CNTN5: variants seen among roughly 807,000 people sequenced by gnomAD.
The protein encoded by CNTN5 is contactin-5.
CNTN5 carries 77 observed loss-of-function variants against 129.1 expected under a neutral mutation model. That is an observed-to-expected ratio of 0.60 (90% CI 0.50 to 0.72). The LOEUF (loss-of-function observed/expected upper bound fraction) is 0.72, where lower values mean the gene tolerates loss of function less well. Among genes scored for constraint, CNTN5 ranks in the 30% least tolerant of loss-of-function variants. The pLI, the probability that CNTN5 is intolerant of heterozygous loss-of-function variation, is 0.00. For missense variants in CNTN5, 1,478 were observed against 1,328.8 expected (o/e 1.11, Z -1.75); for synonymous variants, 509 against 465.6 (o/e 1.09, Z -1.20).
intron 1 of CNTN5, among the ~76,000 whole-genome samples, chr11:99,300,367 C>G (rs912909995): frequency 2.6e-5 from 4 of 151,772 alleles, no homozygotes; most frequent in South Asian, 4.2e-4. Flanking sequence ...TTTAATCTAT[C>G]GAGGTGACCA....
chr11:100,074,072 A>C, intron 12 of CNTN5, 72 bp from the exon 13 acceptor site: 1 of 1,378,714 alleles, frequency 7.3e-7, no homozygotes, highest in East Asian at 2.3e-5. Context: ...AAGTTACAAG[A>C]TCTTCATGAA....
chr11:100,215,520 T>C (rs1454758310), intron 15 of CNTN5, among the ~76,000 whole-genome samples: 3 of 152,154 alleles, frequency 2.0e-5, no homozygotes, highest in Admixed American at 1.3e-4. Flanking sequence ...GTAAAACAGA[T>C]TGTGAATGAT....
chr11:99,403,716 A>G (rs1941938768), intron 2 of CNTN5, among the ~76,000 whole-genome samples: 2 of 152,168 alleles, frequency 1.3e-5, no homozygotes, highest in Admixed American at 1.3e-4. Context: ...TAGTTAGAGA[A>G]GATCCTTAAT....
At chr11:99,801,882 C>G (rs891346466) in intron 3 of CNTN5, among the ~76,000 whole-genome samples, 5 of 152,116 alleles carry the variant, frequency 3.3e-5, no homozygotes, top group Non-Finnish European at 7.4e-5. Flanking sequence ...TTTGGACTTT[C>G]TTGCAATCCA....
At chr11:99,531,666 A>G (rs898861355) in intron 2 of CNTN5, among the ~76,000 whole-genome samples, 1 of 152,174 alleles carries the variant, frequency 6.6e-6, no homozygotes, top group Non-Finnish European at 1.5e-5. Flanking sequence ...CTGTGTCCCA[A>G]CCGTTCCAGC....
At chr11:99,619,949 C>T (rs1253987491) in intron 3 of CNTN5, among the ~76,000 whole-genome samples, 2 of 149,292 alleles carry the variant, frequency 1.3e-5, no homozygotes, top group Non-Finnish European at 3.0e-5. Context: ...TGGCGTGAAC[C>T]CGGGAGGCGG....
Position 99,916,145 on chromosome 11 carries a change from A to T in CNTN5, c.669A>T (p.Ser223=), listed in dbSNP as rs548507400. The T allele has an allele frequency of 3.1e-6, 5 of 1,610,220 alleles. No individual in the cohort carries two copies. In the African/African-American group the frequency reaches 6.7e-5, roughly 22 times the overall value. ...TGATGTGCTCTCCTCCGCCACATTCACCAGGTACAGTAGGATCTCATTCTT... is the reference window on the plus strand; with the variant it reads ...TGATGTGCTCTCCTCCGCCACATTCTCCAGGTACAGTAGGATCTCATTCTT... ...VVLMCSPPPH[S]PEIIYSWVFN... Residue 223 remains serine (S), a synonymous_variant, in exon 7 of 25, where the codon TCA becomes TCT. Transcript: ENST00000524871.
chr11:99,836,785 C>T (rs1947322202), intron 4 of CNTN5, among the ~76,000 whole-genome samples: 1 of 152,294 alleles, frequency 6.6e-6, no homozygotes, highest in South Asian at 2.1e-4. Context: ...CCTATTTCTC[C>T]ACATCCTCTC....
intron 1 of CNTN5, among the ~76,000 whole-genome samples, chr11:99,145,850 A>G (rs1312506271): frequency 1.1e-4 from 16 of 152,308 alleles, no homozygotes; most frequent in Admixed American, 1.0e-3. Flanking sequence ...TACAAGAAGG[A>G]CAGTAATGTA....
chr11:99,559,201 T>C (rs1437758687), intron 3 of CNTN5, among the ~76,000 whole-genome samples: 1 of 152,160 alleles, frequency 6.6e-6, no homozygotes, highest in Non-Finnish European at 1.5e-5. Context: ...AGTTAATTAC[T>C]ATTACGAAAA....
chr11:99,364,389 T>C (rs1030419568), intron 2 of CNTN5, among the ~76,000 whole-genome samples: 1 of 152,150 alleles, frequency 6.6e-6, no homozygotes, highest in African/African-American at 2.4e-5. Context: ...ATATTTAGCA[T>C]ATTTTGCTCA....
rs183500416 is a variant in CNTN5, at chr11:100,225,143, T to C, written c.2005+331T>C. 140 of 161,328 alleles carry C rather than the reference T, an allele frequency of 8.7e-4. 1 individual carries two copies. Among genetic ancestry groups the C allele is most frequent in the African/African-American group, 2.5e-3 (106 of 42,016 alleles). The allele number at this position is 161,328 out of a possible 1,614,324, so 10.0% of individuals were successfully genotyped here. Reference sequence around the variant, plus strand: ...TACAGAGATAAAATTTGTGTGTGTGTATATATGTTTTGCAAATGAAAAGCT... The same window carrying C: ...TACAGAGATAAAATTTGTGTGTGTGCATATATGTTTTGCAAATGAAAAGCT... On this transcript the variant is annotated intron_variant, in intron 16 of 24. Transcript: ENST00000524871.
intron 1 of CNTN5, among the ~76,000 whole-genome samples, chr11:99,298,324 A>G (rs1445285621): frequency 6.6e-6 from 1 of 152,216 alleles, no homozygotes; most frequent in African/African-American, 2.4e-5. Context: ...GTAAAATGAC[A>G]TACAGGAATA....
In CNTN5 at chr11:99,344,609, A is replaced by G. The variant is rs530322900; in HGVS notation, c.-71+19125A>G. Among the ~76,000 whole-genome samples the G allele has an allele frequency of 3.3e-4, 51 of 152,346 alleles. No homozygotes were observed. The South Asian group carries it at 6.8e-3, about 20-fold the overall frequency. ...TACATCTAATGTAGCAAAGCAGATC[A>G]TATAAATAAGAGCAAAATAAGTAAA... is the stretch of plus-strand genomic sequence containing the variant. On this transcript the variant is annotated intron_variant, in intron 2 of 24. Coordinates refer to ENST00000524871, the MANE Select transcript of CNTN5 (RefSeq NM_014361.4).
At chr11:99,168,472 T>A (rs1213312506) in intron 1 of CNTN5, among the ~76,000 whole-genome samples, 1 of 151,954 alleles carries the variant, frequency 6.6e-6, no homozygotes, top group Non-Finnish European at 1.5e-5. Flanking sequence ...CCCAGCTACT[T>A]GGGAGGTTGA....
intron 9 of CNTN5, among the ~76,000 whole-genome samples, chr11:100,053,236 A>G (rs1291645596): frequency 2.0e-5 from 3 of 151,786 alleles, no homozygotes; most frequent in Non-Finnish European, 4.4e-5. Context: ...TAAGAAAACA[A>G]TAAGATTAAA....
In CNTN5 at chr11:99,746,822, T is replaced by C. The variant is rs527653964; in HGVS notation, c.56-72722T>C. ...TGTCGGTACCATGATGTTTTGTTAA[T>C]TATAGTGTCATAGTAATCTTGAAAT... On this transcript the variant is annotated intron_variant, in intron 3 of 24. Transcript: ENST00000524871. Among the ~76,000 whole-genome samples the C allele has an allele frequency of 3.3e-4, 51 of 152,336 alleles. No homozygotes were observed. In the Middle Eastern group the frequency reaches 0.01, roughly 30 times the overall value.
chr11:100,176,829 A>T (rs1446288767), intron 13 of CNTN5, among the ~76,000 whole-genome samples: 2 of 146,276 alleles, frequency 1.4e-5, no homozygotes. Context: ...TATTTAATAT[A>T]TGAGTATATT....
At chr11:99,970,355 C>T (rs149035889) in intron 8 of CNTN5, among the ~76,000 whole-genome samples, 7 of 152,304 alleles carry the variant, frequency 4.6e-5, no homozygotes, top group African/African-American at 1.7e-4. Context: ...AATGCAAATT[C>T]ACAAGAGTGA....
Sources: gnomAD v4.1 joint callset for allele counts (sites outside exome capture counted in the v4.1 genomes callset) on GRCh38, gnomAD v4.1.1 for gene constraint, MANE v1.5 for transcripts, NCBI Gene and HGNC (gene_info 2026-07-23, HGNC 2026-07-21) for gene names.